Variants in STXBP5L observed in about 807,000 individuals in gnomAD.
STXBP5L encodes the protein syntaxin binding protein 5L, also known as syntaxin-binding protein 5-like.
In STXBP5L, 65 loss-of-function variants were observed where a neutral mutation model predicts 144.5. That is an observed-to-expected ratio of 0.45 (90% CI 0.37 to 0.55). The LOEUF (loss-of-function observed/expected upper bound fraction) is 0.55. Among genes scored for constraint, STXBP5L ranks in the 20% least tolerant of loss-of-function variants. The probability of loss-of-function intolerance (pLI) is 0.00; values close to 1 mark genes in which losing one functional copy is unlikely to be tolerated. For synonymous variants in STXBP5L, 505 were observed against 469.6 expected (o/e 1.08, Z -0.97); for missense variants, 1,298 against 1,405.5 (o/e 0.92, Z 1.22).
At chr3:121,295,045 C>T (rs1206741726) in intron 19 of STXBP5L, among the ~76,000 whole-genome samples, 1 of 151,694 alleles carries the variant, frequency 6.6e-6, no homozygotes, top group Non-Finnish European at 1.5e-5. Flanking sequence ...TGAAGGGGTG[C>T]TGAAAAATAG....
At chr3:121,081,506 G>A (rs2107693725) in intron 5 of STXBP5L, among the ~76,000 whole-genome samples, 1 of 152,296 alleles carries the variant, frequency 6.6e-6, no homozygotes, top group South Asian at 2.1e-4. Flanking sequence ...GGTTTTCCCA[G>A]ATGCTGGTTG....
At chr3:121,062,968 G>A (rs2041357797) in intron 5 of STXBP5L, among the ~76,000 whole-genome samples, 1 of 152,078 alleles carries the variant, frequency 6.6e-6, no homozygotes, top group Admixed American at 6.6e-5. Flanking sequence ...CTTTAGCTTG[G>A]AGGAGTTTGT....
At chr3:121,370,153 G>T (rs2045988045) in intron 20 of STXBP5L, among the ~76,000 whole-genome samples, 1 of 152,068 alleles carries the variant, frequency 6.6e-6, no homozygotes, top group Non-Finnish European at 1.5e-5. Context: ...ATCACTTGAG[G>T]TCAGGAGTTC....
chr3:120,980,064 A>C (rs1941586338), intron 3 of STXBP5L, among the ~76,000 whole-genome samples: 1 of 152,156 alleles, frequency 6.6e-6, no homozygotes, highest in Non-Finnish European at 1.5e-5. Context: ...TTCCAGTTTT[A>C]ATTCCACTGT....
intron 18 of STXBP5L, among the ~76,000 whole-genome samples, chr3:121,264,333 C>G (rs984948467): frequency 1.3e-5 from 2 of 152,160 alleles, no homozygotes; most frequent in Non-Finnish European, 2.9e-5. Context: ...TCTTCTCCAA[C>G]TGTGAGCTTA....
chr3:120,987,703 T>C (rs1362980232), intron 3 of STXBP5L, among the ~76,000 whole-genome samples: 1 of 151,872 alleles, frequency 6.6e-6, no homozygotes, highest in Non-Finnish European at 1.5e-5. Flanking sequence ...TTTTCCTTTT[T>C]TTAAAAAATA....
intron 22 of STXBP5L, among the ~76,000 whole-genome samples, chr3:121,392,803 A>ATATATG (rs1181868456): frequency 8.7e-6 from 1 of 114,844 alleles, no homozygotes; most frequent in African/African-American, 3.0e-5. Context: ...ATATATATAT[A>ATATATG]TATATCACAT....
chr3:121,174,477 G>C (rs1300938906), intron 9 of STXBP5L, among the ~76,000 whole-genome samples: 1 of 152,108 alleles, frequency 6.6e-6, no homozygotes, highest in Admixed American at 6.6e-5. Context: ...GTTGGCCCAT[G>C]CAGTCTAAAC....
intron 22 of STXBP5L, among the ~76,000 whole-genome samples, chr3:121,403,420 C>A (rs1453905557): frequency 6.6e-6 from 1 of 152,126 alleles, no homozygotes; most frequent in Non-Finnish European, 1.5e-5. Flanking sequence ...CTAGACTTTA[C>A]CTGCTTTCAC....
chr3:121,338,067 A>G (rs2044569232), intron 20 of STXBP5L, among the ~76,000 whole-genome samples: 1 of 152,170 alleles, frequency 6.6e-6, no homozygotes, highest in African/African-American at 2.4e-5. Context: ...TGCTAAGATG[A>G]AAGTTTATAG....
At chr3:121,166,235 G>A (rs1474737906) in intron 9 of STXBP5L, among the ~76,000 whole-genome samples, 1 of 151,912 alleles carries the variant, frequency 6.6e-6, no homozygotes, top group Non-Finnish European at 1.5e-5. Flanking sequence ...CAAATTCTTG[G>A]GCTCAAATGA....
intron 5 of STXBP5L, among the ~76,000 whole-genome samples, chr3:121,090,132 T>G (rs2042704998): frequency 6.6e-6 from 1 of 152,206 alleles, no homozygotes; most frequent in Non-Finnish European, 1.5e-5. Flanking sequence ...GATTTTTAAA[T>G]TAAAACCTGG....
intron 10 of STXBP5L, among the ~76,000 whole-genome samples, chr3:121,209,559 T>C (rs2048473262): frequency 6.6e-6 from 1 of 152,254 alleles, no homozygotes; most frequent in African/African-American, 2.4e-5. Context: ...ATTAGGTATA[T>C]CTCCTAATGC....
At chr3:121,042,698 A>T (rs1947244665) in intron 4 of STXBP5L, among the ~76,000 whole-genome samples, 1 of 152,152 alleles carries the variant, frequency 6.6e-6, no homozygotes, top group Admixed American at 6.6e-5. Context: ...TATCAGAGGT[A>T]ACCCAAGGCA....
At chr3:121,190,828 C>T (rs1172245756) in intron 9 of STXBP5L, among the ~76,000 whole-genome samples, 19 of 150,422 alleles carry the variant, frequency 1.3e-4, no homozygotes, top group East Asian at 1.0e-3. Flanking sequence ...TCAGACGGGG[C>T]GGCCAGTCAG....
chr3:121,184,430 A>C (rs184174188), intron 9 of STXBP5L, among the ~76,000 whole-genome samples: 2 of 151,648 alleles, frequency 1.3e-5, no homozygotes, highest in Non-Finnish European at 2.9e-5. Flanking sequence ...ACAAATATCA[A>C]TATCCAAATA....
In STXBP5L at chr3:121,344,814, A is replaced by G. The variant is rs142381719; in HGVS notation, c.2176+26274A>G. On this transcript the variant is annotated intron_variant, in intron 20 of 26. Coordinates refer to ENST00000471454, the MANE Select transcript of STXBP5L (RefSeq NM_001308330.2). ...TCATAAAGGGAAATCAATTGATACT[A>G]TACATAGAGGATAACTTAAAAAGTA... is the stretch of plus-strand genomic sequence containing the variant. 4.1e-3 allele frequency among the ~76,000 whole-genome samples: 629 copies of G among 151,938 alleles called. 3 individuals carry two copies. The highest frequency in any genetic ancestry group is 6.7e-3 in the Non-Finnish European group (458 of 67,924).
intron 3 of STXBP5L, among the ~76,000 whole-genome samples, chr3:120,972,794 T>G (rs1042486662): frequency 6.6e-6 from 1 of 152,128 alleles, no homozygotes; most frequent in Non-Finnish European, 1.5e-5. Flanking sequence ...CTGGATATTA[T>G]CTAATGCTTT....
intron 2 of STXBP5L, among the ~76,000 whole-genome samples, chr3:120,934,226 G>T (rs1180252945): frequency 1.3e-5 from 2 of 151,250 alleles, no homozygotes; most frequent in African/African-American, 4.8e-5. Flanking sequence ...TCAGTATATT[G>T]TAAATTTCTC....
Sources: gnomAD v4.1 joint callset for allele counts (sites outside exome capture counted in the v4.1 genomes callset) on GRCh38, gnomAD v4.1.1 for gene constraint, MANE v1.5 for transcripts, NCBI Gene and HGNC (gene_info 2026-07-23, HGNC 2026-07-21) for gene names.